Variants in MSRA observed in about 807,000 individuals in gnomAD.
MSRA encodes methionine sulfoxide reductase A.
Under a neutral mutation model 31.3 loss-of-function variants are expected in MSRA, and 54 were observed. That is an observed-to-expected ratio of 1.73 (90% confidence interval 1.39 to 2.17). The LOEUF is 2.17. Ranked by LOEUF, MSRA falls within the 30% of genes most tolerant of loss-of-function variation. MSRA has a pLI of 0.00. For missense variants in MSRA, 507 were observed against 300.9 expected, an observed-to-expected ratio of 1.69 and a Z score of -5.07; for synonymous variants, 169 against 116.5, an observed-to-expected ratio of 1.45 and a Z score of -2.90.
intron 2 of MSRA, among the ~76,000 whole-genome samples, chr8:10,221,821 A>G (rs1810527753): frequency 6.6e-6 from 1 of 152,138 alleles, no homozygotes; most frequent in East Asian, 1.9e-4. Context: ...AATACCTGAG[A>G]CAGGTTGTTT....
At chr8:10,337,896 T>G (rs748581318) in intron 5 of MSRA, 3 of 683,504 alleles carry the variant, frequency 4.4e-6, no homozygotes, top group Non-Finnish European at 8.0e-6. Context: ...TTCTTTGTTA[T>G]GACAGCAGGG....
At chr8:10,220,450 A>C (rs985571276) in intron 2 of MSRA, among the ~76,000 whole-genome samples, 16 of 152,252 alleles carry the variant, frequency 1.1e-4, no homozygotes, top group Non-Finnish European at 2.9e-5. Flanking sequence ...GCTTAGCATA[A>C]GCTGAGTGAA....
In MSRA at chr8:10,306,149, T is replaced by A. The variant is rs143464568; in HGVS notation, c.436+4511T>A. Among the ~76,000 whole-genome samples the A allele has an allele frequency of 8.5e-3, 1,286 of 151,932 alleles. 16 individuals are homozygous for A. The highest frequency in any genetic ancestry group is 0.029 in the African/African-American group (1,216 of 41,446). On this transcript the variant is annotated intron_variant, in intron 4 of 5. Transcript: ENST00000317173. ...GTGGTGGGTGCCTGAGATTTAGGAG[T>A]TTTGAGTTCTGGTCCCTGGTTGGCC...
chr8:10,097,263 A>T (rs1799221448), intron 1 of MSRA, among the ~76,000 whole-genome samples: 1 of 152,168 alleles, frequency 6.6e-6, no homozygotes, highest in Non-Finnish European at 1.5e-5. Flanking sequence ...CAACATTTTG[A>T]TTTTCTGTAA....
At chr8:10,216,327 C>A (rs1809984144) in intron 2 of MSRA, among the ~76,000 whole-genome samples, 1 of 152,268 alleles carries the variant, frequency 6.6e-6, no homozygotes, top group South Asian at 2.1e-4. Flanking sequence ...AAAACTTGCT[C>A]ATAAATTTGG....
intron 1 of MSRA, among the ~76,000 whole-genome samples, chr8:10,086,565 A>C (rs1160797241): frequency 6.6e-6 from 1 of 152,224 alleles, no homozygotes; most frequent in Non-Finnish European, 1.5e-5. Flanking sequence ...CAGTTTCCTC[A>C]TCCATAAAGT....
At chr8:10,089,821 G>A (rs1230644788) in intron 1 of MSRA, among the ~76,000 whole-genome samples, 6 of 152,156 alleles carry the variant, frequency 3.9e-5, no homozygotes, top group African/African-American at 1.4e-4. Context: ...CAGTCTCAGG[G>A]AACGAATCTA....
chr8:10,055,065 C>T (rs1802261978), intron 1 of MSRA, among the ~76,000 whole-genome samples: 1 of 152,198 alleles, frequency 6.6e-6, no homozygotes, highest in South Asian at 2.1e-4. Context: ...GGACCCAGGG[C>T]ACCTGCAGCG....
intron 5 of MSRA, among the ~76,000 whole-genome samples, chr8:10,402,191 G>A (rs1563439749): frequency 6.6e-6 from 1 of 152,174 alleles, no homozygotes; most frequent in African/African-American, 2.4e-5. Context: ...TGCGATGCCT[G>A]TCACCCAGGG....
intron 3 of MSRA, among the ~76,000 whole-genome samples, chr8:10,264,533 C>G (rs906787335): frequency 1.3e-5 from 2 of 152,198 alleles, no homozygotes; most frequent in African/African-American, 4.8e-5. Flanking sequence ...CCAGTGCTGC[C>G]AGGCAAAGCT....
intron 1 of MSRA, among the ~76,000 whole-genome samples, chr8:10,187,075 C>T (rs1807117933): frequency 2.0e-5 from 3 of 152,126 alleles, no homozygotes; most frequent in African/African-American, 7.2e-5. Flanking sequence ...TACTTTTCAT[C>T]TCAACTAGAT....
chr8:10,075,503 A>G (rs377274887), intron 1 of MSRA, among the ~76,000 whole-genome samples: 2 of 152,200 alleles, frequency 1.3e-5, no homozygotes, highest in Non-Finnish European at 2.9e-5. Context: ...ATTATGATTC[A>G]TGTTGAATAT....
At chr8:10,388,564 C>T (rs1806536675) in intron 5 of MSRA, among the ~76,000 whole-genome samples, 1 of 152,116 alleles carries the variant, frequency 6.6e-6, no homozygotes, top group South Asian at 2.1e-4. Context: ...TGGGAGACAT[C>T]CGATCTCTCA....
intron 5 of MSRA, among the ~76,000 whole-genome samples, chr8:10,380,364 G>T (rs1258056627): frequency 6.6e-6 from 1 of 152,172 alleles, no homozygotes; most frequent in Non-Finnish European, 1.5e-5. Flanking sequence ...AACTGGAGAG[G>T]GCCTTCCCTG....
chr8:10,080,864 ATT>A (rs1401752963), intron 1 of MSRA, among the ~76,000 whole-genome samples: 2 of 152,072 alleles, frequency 1.3e-5, no homozygotes, highest in Non-Finnish European at 2.9e-5. Context: ...TGAGTGTGAA[ATT>A]TGTTTACAGC....
At chr8:10,058,531 G>A (rs1232269532) in intron 1 of MSRA, among the ~76,000 whole-genome samples, 1 of 152,146 alleles carries the variant, frequency 6.6e-6, no homozygotes, top group Non-Finnish European at 1.5e-5. Context: ...CTATGAAAGA[G>A]TTACCTCCTC....
intron 5 of MSRA, among the ~76,000 whole-genome samples, chr8:10,352,606 T>A (rs930756241): frequency 2.0e-5 from 3 of 152,166 alleles, no homozygotes; most frequent in Non-Finnish European, 4.4e-5. Context: ...TTTCCTGAAG[T>A]GCCATTTTGT....
intron 1 of MSRA, among the ~76,000 whole-genome samples, chr8:10,166,112 G>A (rs575713977): frequency 9.2e-5 from 14 of 152,326 alleles, no homozygotes; most frequent in Admixed American, 3.9e-4. Context: ...GTGAGCAGCA[G>A]TGATCCCAGC....
chr8:10,268,660 G>T (rs1261077501), intron 3 of MSRA, among the ~76,000 whole-genome samples: 1 of 152,204 alleles, frequency 6.6e-6, no homozygotes, highest in African/African-American at 2.4e-5. Context: ...AATAACCCTG[G>T]CTTCAGAAAT....
Sources: allele counts gnomAD v4.1 joint callset (sites outside exome capture counted in the v4.1 genomes callset), GRCh38; gene constraint gnomAD v4.1.1; transcripts MANE v1.5; gene names NCBI Gene and HGNC (gene_info 2026-07-23, HGNC 2026-07-21).